The following TTC19 variants were observed in gnomAD, a reference collection of about 807,000 sequenced individuals.
TTC19 encodes the protein tetratricopeptide repeat protein 19, mitochondrial.
In TTC19, 38 loss-of-function variants were observed where a neutral mutation model predicts 49.5. The observed-to-expected ratio is 0.77, with a 90% CI of 0.59 to 1.01. The LOEUF is 1.01. TTC19 is among the 50% of genes least tolerant of loss of function. The pLI is 0.00. For synonymous variants in TTC19, 204 were observed against 185.2 expected, an observed-to-expected ratio of 1.10 and a Z score of -0.83; for missense variants, 475 against 477.7, an observed-to-expected ratio of 0.99 and a Z score of 0.05.
rs897048439 is a variant in TTC19, at chr17:16,035,063, A to G, written c.247+8361A>G. ...CAGAATGGTAACATGAAGAATCCAG[A>G]TCCTGGTACTCAATGAAATAAAATA... On this transcript the variant is annotated intron_variant, in intron 2 of 2. Transcript: ENST00000470649. The G allele has an allele frequency of 1.1e-5, 10 of 896,082 alleles. No homozygotes were observed. The African/African-American group carries it at 1.7e-4, about 15-fold the overall frequency. 55.5% of individuals were successfully genotyped at this position (896,082 alleles called of 1,614,324 possible).
At chr17:16,041,388 A>C (rs1002176802) in intron 2 of TTC19, 3 of 148,048 alleles carry the variant, frequency 2.0e-5, no homozygotes, top group Non-Finnish European at 4.5e-5. Context: ...GATGTGTCCC[A>C]AAGAATGTGA....
chr17:16,025,811 G>A (rs1971536349), intron 8 of TTC19, among the ~76,000 whole-genome samples: 1 of 152,198 alleles, frequency 6.6e-6, no homozygotes, highest in African/African-American at 2.4e-5. Context: ...TGTGTCCCAA[G>A]GCTGGGGTAC....
chr17:16,006,398 G>C, intron 6 of TTC19, 76 bp from the exon 7 acceptor site: 5 of 1,110,416 alleles, frequency 4.5e-6, no homozygotes, highest in Non-Finnish European at 6.9e-6. Flanking sequence ...CAACAAGAGC[G>C]AAACTCCATC....
chr17:16,044,714 G>C (rs544341098), exon 3 of TTC19: 4 of 719,072 alleles, frequency 5.6e-6, no homozygotes, highest in African/African-American at 5.2e-5. Flanking sequence ...CAATGCCCTC[G>C]TTAAAGCAGC....
downstream of TTC19, chr17:16,029,804 C>A (rs11650682): frequency 0.053 from 8,045 of 152,596 alleles, 324 homozygotes; most frequent in Middle Eastern, 0.1. Flanking sequence ...TCTGAGATTT[C>A]TTCTCCAGGT....
At chr17:16,019,593 CTG>C (rs10569111) in intron 7 of TTC19, among the ~76,000 whole-genome samples, 96,794 of 151,804 alleles carry the variant, frequency 0.64, 32,365 homozygotes, top group African/African-American at 0.84. Flanking sequence ...TAAGTTGAAC[CTG>C]TTTTTTCTGT....
chr17:16,012,021 C>CT (rs376780749), intron 7 of TTC19, among the ~76,000 whole-genome samples: 33 of 146,562 alleles, frequency 2.3e-4, no homozygotes, highest in Middle Eastern at 3.5e-3. Context: ...TGAGGTTTAT[C>CT]TTTTTTTTTT....
rs1971728903 is a variant in TTC19 at position 16,029,026 on chromosome 17, T to C, written c.*1504T>C. 2.2e-6 allele frequency: 1 copy of C among 448,948 alleles called. No individual in the cohort carries two copies. The highest frequency in any genetic ancestry group is 1.6e-5 in the South Asian group (1 of 62,768). The allele number at this position is 448,948 out of a possible 1,614,324, so 27.8% of individuals were successfully genotyped here. ...TCTAGCTCAGAGAGATAAGATACAA[T>C]ATAAATCAGACTGTTTCAGTAGAAA... On this transcript the variant is annotated 3_prime_UTR_variant, in exon 10 of 10. Coordinates refer to ENST00000261647, the MANE Select transcript of TTC19 (RefSeq NM_017775.4).
rs1467283115 is a variant in TTC19, at chr17:16,028,304, C to A, written c.*782C>A. Reference sequence around the variant, plus strand: ...CAAGTACTCTTTAAGGACACACAGCCCAGGCTGTTCTGAGTCAGAATAGGC... The same window carrying A: ...CAAGTACTCTTTAAGGACACACAGCACAGGCTGTTCTGAGTCAGAATAGGC... On this transcript the variant is annotated 3_prime_UTR_variant, in exon 10 of 10. Transcript: ENST00000261647. 2.2e-6 allele frequency: 1 copy of A among 454,054 alleles called. No individual in the cohort carries two copies. The highest frequency in any genetic ancestry group is 2.3e-5 in the Admixed American group (1 of 42,558). 28.1% of individuals were successfully genotyped at this position (454,054 alleles called of 1,614,324 possible). A position where few individuals can be genotyped will look rare whatever the true frequency, so the allele number is the denominator to read the frequency against.
intron 2 of TTC19, chr17:16,000,447 A>C: frequency 1.4e-6 from 2 of 1,401,818 alleles, no homozygotes; most frequent in Non-Finnish European, 9.3e-7. Context: ...CTGCAGTAAA[A>C]CCTCTGCAGT....
intron 2 of TTC19, chr17:16,040,741 A>G (rs1222967962): frequency 1.9e-6 from 1 of 520,970 alleles, no homozygotes; most frequent in East Asian, 4.2e-5. Flanking sequence ...TCAAAAGAAG[A>G]GCAATAAGCT....
intron 7 of TTC19, among the ~76,000 whole-genome samples, chr17:16,010,109 G>C (rs1215128977): frequency 6.6e-6 from 1 of 150,568 alleles, no homozygotes; most frequent in Non-Finnish European, 1.5e-5. Context: ...TAATTTAAGA[G>C]AGCATTTTCT....
intron 8 of TTC19, among the ~76,000 whole-genome samples, chr17:16,026,156 C>T (rs1971549802): frequency 6.6e-6 from 1 of 150,680 alleles, no homozygotes; most frequent in Non-Finnish European, 1.5e-5. Flanking sequence ...CAACATAATA[C>T]AGTGGGGCTC....
At position 16,000,259 on chromosome 17, in the gene TTC19, G is replaced by A; in HGVS notation, c.312+14G>A. On this transcript the variant is annotated intron_variant, in intron 2 of 9. Transcript: ENST00000261647. ...AAGCGAGCCAAGGTGAGGCGGCTCC[G>A]GGCCCTGCGCCCGGCCGAGCGCGGT... 6.3e-7 allele frequency: 1 copy of A among 1,593,580 alleles called. No homozygotes were observed. Among genetic ancestry groups the A allele is most frequent in the Non-Finnish European group, 8.5e-7 (1 of 1,178,348 alleles).
intron 4 of TTC19, 126 bp from the exon 5 acceptor site, chr17:16,003,705 C>A: frequency 1.2e-6 from 1 of 821,094 alleles, no homozygotes; most frequent in Non-Finnish European, 2.0e-6. Context: ...TGTGAGTGTG[C>A]GTGTGTGTGG....
intron 7 of TTC19, among the ~76,000 whole-genome samples, chr17:16,021,950 G>A (rs535432534): frequency 2.0e-5 from 3 of 152,144 alleles, no homozygotes; most frequent in Non-Finnish European, 4.4e-5. Flanking sequence ...AATTTACAGG[G>A]TAGTCATTTT....
downstream of TTC19, among the ~76,000 whole-genome samples, chr17:16,033,267 G>A (rs1053903466): frequency 3.3e-5 from 5 of 149,638 alleles, no homozygotes; most frequent in Admixed American, 2.7e-4. Flanking sequence ...CCCAGGAGGC[G>A]GAGGTTGCTG....
At chr17:16,033,700 C>T (rs148883408), downstream of TTC19, among the ~76,000 whole-genome samples, 16 of 152,250 alleles carry the variant, frequency 1.1e-4, no homozygotes, top group African/African-American at 3.9e-4. Context: ...ATAGTTATTA[C>T]ATACATTAAG....
At chr17:16,031,562 G>C (rs1489976918), downstream of TTC19, 1 of 217,170 alleles carries the variant, frequency 4.6e-6, no homozygotes, top group East Asian at 6.8e-5. Context: ...AACTGAACTA[G>C]AACATACCCA....
Sources: gnomAD v4.1 joint callset for allele counts (sites outside exome capture counted in the v4.1 genomes callset) on GRCh38, gnomAD v4.1.1 for gene constraint, MANE v1.5 for transcripts, NCBI Gene and HGNC (gene_info 2026-07-23, HGNC 2026-07-21) for gene names.